Variants in CBLB observed in about 807,000 individuals in gnomAD.
The protein encoded by CBLB is Cbl proto-oncogene B.
A neutral mutation model predicts 104.9 loss-of-function variants in CBLB; 31 were observed. That is an observed-to-expected ratio of 0.30 (90% CI 0.22 to 0.40). The LOEUF is 0.40. CBLB is among the 10% of genes least tolerant of loss of function. CBLB has a pLI of 1.00. For missense variants in CBLB, 1,062 were observed against 1,214.6 expected (o/e 0.87, Z 1.87); for synonymous variants, 440 against 422.6 (o/e 1.04, Z -0.51).
At chr3:105,796,025 A>G (rs1422531982) in intron 3 of CBLB, among the ~76,000 whole-genome samples, 1 of 152,022 alleles carries the variant, frequency 6.6e-6, no homozygotes, top group Non-Finnish European at 1.5e-5. Context: ...CCAGGCCAAC[A>G]CCGTGATTTT....
chr3:105,681,231 A>G lies in CBLB; in HGVS notation c.2428+248T>C, dbSNP rs2066280107. The G allele has an allele frequency of 5.3e-6, 3 of 570,614 alleles. No homozygotes were observed. The East Asian group carries it at 8.4e-5, about 16-fold the overall frequency. 35.3% of individuals were successfully genotyped at this position (570,614 alleles called of 1,614,324 possible). A position where few individuals can be genotyped will look rare whatever the true frequency, so the allele number is the denominator to read the frequency against. On this transcript the variant is annotated intron_variant, in intron 16 of 18. Coordinates refer to ENST00000394030, the MANE Select transcript of CBLB (RefSeq NM_170662.5). ...AAGCTCTCATGTGTTTTTAGACTACATTTAGTATGGACAAAACAACTTGCT... is the reference window on the plus strand; with the variant it reads ...AAGCTCTCATGTGTTTTTAGACTACGTTTAGTATGGACAAAACAACTTGCT...
At chr3:105,807,019 C>T (rs1331392732) in intron 3 of CBLB, among the ~76,000 whole-genome samples, 4 of 152,112 alleles carry the variant, frequency 2.6e-5, no homozygotes, top group African/African-American at 9.7e-5. Context: ...GCCCACTCAC[C>T]GCTATCTAAC....
chr3:105,799,615 A>G (rs2082619530), intron 3 of CBLB, among the ~76,000 whole-genome samples: 1 of 152,134 alleles, frequency 6.6e-6, no homozygotes, highest in Non-Finnish European at 1.5e-5. Flanking sequence ...ATACTCATAT[A>G]TTTCCAAAAT....
intron 17 of CBLB, among the ~76,000 whole-genome samples, chr3:105,677,589 G>C (rs1300880281): frequency 6.6e-6 from 1 of 151,672 alleles, no homozygotes; most frequent in Admixed American, 6.6e-5. Flanking sequence ...TCAAGTCCAA[G>C]GAGGCAAAGG....
chr3:105,692,576 T>C (rs184047858), intron 13 of CBLB, among the ~76,000 whole-genome samples: 1 of 152,200 alleles, frequency 6.6e-6, no homozygotes, highest in East Asian at 1.9e-4. Flanking sequence ...AATCCAGATA[T>C]AATTACAGGG....
intron 13 of CBLB, among the ~76,000 whole-genome samples, chr3:105,690,290 G>A (rs1313803123): frequency 1.3e-5 from 2 of 151,952 alleles, no homozygotes; most frequent in Non-Finnish European, 2.9e-5. Context: ...ATGAACTCTC[G>A]AACATCTGAC....
chr3:105,737,869 T>C (rs899996115), intron 7 of CBLB, among the ~76,000 whole-genome samples: 7 of 152,158 alleles, frequency 4.6e-5, no homozygotes, highest in Admixed American at 4.6e-4. Flanking sequence ...TACGTTTCCA[T>C]GTTTCATTGA....
intron 3 of CBLB, among the ~76,000 whole-genome samples, chr3:105,828,717 A>G (rs2086970613): frequency 6.6e-6 from 1 of 152,210 alleles, no homozygotes; most frequent in Admixed American, 6.5e-5. Flanking sequence ...ATATATTTGT[A>G]AGAGAGATGA....
intron 10 of CBLB, among the ~76,000 whole-genome samples, chr3:105,705,870 T>C (rs2070039901): frequency 2.0e-5 from 3 of 152,240 alleles, no homozygotes; most frequent in Admixed American, 2.0e-4. Context: ...CCCTGGTGGC[T>C]GATGCCTGTA....
chr3:105,696,444 T>C (rs1221034635), intron 12 of CBLB, among the ~76,000 whole-genome samples: 2 of 151,838 alleles, frequency 1.3e-5, no homozygotes, highest in Non-Finnish European at 3.0e-5. Flanking sequence ...ATCACAACTT[T>C]GGGGGCTAAA....
chr3:105,687,516 T>A (rs775727454), intron 13 of CBLB, among the ~76,000 whole-genome samples: 5 of 152,050 alleles, frequency 3.3e-5, no homozygotes, highest in Non-Finnish European at 5.9e-5. Flanking sequence ...TGCTAAAACT[T>A]ACTAGTATAA....
rs778363241 is a variant in CBLB, at chr3:105,751,415, G to C, written c.723+47C>G. On this transcript the variant is annotated intron_variant, in intron 5 of 18. Transcript: ENST00000394030. ...GAGAGAGAAACAGAGAGAAAAGACAGGGAGAGAGAAGAAGGGAATGGATAG... is the reference window on the plus strand; with the variant it reads ...GAGAGAGAAACAGAGAGAAAAGACACGGAGAGAGAAGAAGGGAATGGATAG... 4.5e-6 allele frequency: 6 copies of C among 1,343,296 alleles called. No homozygotes were observed. The African/African-American group carries it at 8.7e-5, about 19-fold the overall frequency. The allele number at this position is 1,343,296 out of a possible 1,614,324, so 83.2% of individuals were successfully genotyped here. A position where few individuals can be genotyped will look rare whatever the true frequency, so the allele number is the denominator to read the frequency against.
chr3:105,765,793 T>C (rs1021536266), intron 4 of CBLB, among the ~76,000 whole-genome samples: 1 of 152,210 alleles, frequency 6.6e-6, no homozygotes, highest in Non-Finnish European at 1.5e-5. Flanking sequence ...ACCCAAAAGA[T>C]TTGATGGAGA....
At chr3:105,757,336 TAAAG>T (rs560395927) in intron 4 of CBLB, among the ~76,000 whole-genome samples, 54 of 152,142 alleles carry the variant, frequency 3.5e-4, no homozygotes, top group Admixed American at 1.3e-3. Context: ...TCCATAAACA[TAAAG>T]AGAGGAAGAA....
At position 105,704,095 on chromosome 3, in the gene CBLB, G is replaced by C. The variant is rs1021132236; in HGVS notation, c.1486C>G (p.Pro496Ala). 2.5e-6 allele frequency: 4 copies of C among 1,613,994 alleles called. No homozygotes were observed. In the African/African-American group the frequency reaches 5.3e-5, roughly 22 times the overall value. ...LAQRRKPQPD[P>A]LQIPHLSLPP... ...AGGCTTAGATGTGGGATCTGGAGTG[G>C]GTCAGGCTGTGGCTTTCTTCTCTGG... Residue 496 changes from proline (P) to alanine (A), a missense_variant, in exon 11 of 19, where the codon CCA becomes GCA. By Grantham distance (27) the Pro-to-Ala change is conservative (BLOSUM62 -1). Around this residue, in one of 2 missense-constraint regions of CBLB, gnomAD observed 457 missense variants for 632.0 expected, o/e 0.72. Coordinates refer to ENST00000394030, the MANE Select transcript of CBLB (RefSeq NM_170662.5).
chr3:105,791,074 ATTTT>A (rs2081579378), intron 3 of CBLB, among the ~76,000 whole-genome samples: 1 of 152,004 alleles, frequency 6.6e-6, no homozygotes. Context: ...GAATTCTTAG[ATTTT>A]TACCCAAATT....
rs1339230124 is a variant in CBLB, at chr3:105,693,522, G to C, written c.2026C>G (p.Pro676Ala). ...ATGCTAGGGAGGAGGGTGGTAACTG[G>C]AGGAGGAGGAGAAAGCCGGGGAGGA... ...DVPPRLSPPP[P>A]VTTLLPSIKC... The change falls in exon 13 of 19, where the codon CCA becomes GCA. Residue 676 changes from proline to alanine, a missense_variant. Around this residue, in one of 2 missense-constraint regions of CBLB, gnomAD observed 605 missense variants for 582.6 expected, o/e 1.04. Coordinates refer to ENST00000394030, the MANE Select transcript of CBLB (RefSeq NM_170662.5). 13 of 1,606,346 alleles carry C rather than the reference G, an allele frequency of 8.1e-6. No individual in the cohort carries two copies. The highest frequency in any genetic ancestry group is 1.0e-5 in the Non-Finnish European group (12 of 1,173,324).
chr3:105,781,373 G>A (rs572909917), intron 3 of CBLB, among the ~76,000 whole-genome samples: 12 of 152,066 alleles, frequency 7.9e-5, no homozygotes, highest in Non-Finnish European at 1.5e-4. Flanking sequence ...AGGTTGCTAC[G>A]GTCAACATCA....
At chr3:105,843,824 C>T (rs1384836478) in intron 3 of CBLB, among the ~76,000 whole-genome samples, 1 of 152,116 alleles carries the variant, frequency 6.6e-6, no homozygotes, top group Admixed American at 6.6e-5. Flanking sequence ...GTTTTTCAAA[C>T]CTCCATGACA....
Sources: allele counts gnomAD v4.1 joint callset (sites outside exome capture counted in the v4.1 genomes callset), GRCh38; gene constraint gnomAD v4.1.1; regional missense constraint gnomAD v4.1.1; transcripts MANE v1.5; gene names NCBI Gene and HGNC (gene_info 2026-07-23, HGNC 2026-07-21).